MED26: variants seen among roughly 807,000 people sequenced by gnomAD.
MED26 encodes mediator of RNA polymerase II transcription subunit 26.
Under a neutral mutation model 43.7 loss-of-function variants are expected in MED26, and 7 were observed. The observed-to-expected ratio is 0.16, with a 90% CI of 0.09 to 0.30. The LOEUF is 0.30. MED26 is among the 10% of genes least tolerant of loss of function. The pLI, the probability that MED26 is intolerant of heterozygous loss-of-function variation, is 1.00. For missense variants in MED26, 784 were observed against 840.6 expected, an observed-to-expected ratio of 0.93 and a Z score of 0.83; for synonymous variants, 375 against 371.1, an observed-to-expected ratio of 1.01 and a Z score of -0.12.
chr19:16,591,780 C>T (rs564386442), intron 1 of MED26, among the ~76,000 whole-genome samples: 13 of 152,216 alleles, frequency 8.5e-5, no homozygotes, highest in Admixed American at 1.3e-4. Context: ...AAAGTAGCCA[C>T]GGTGCGTCTG....
In MED26 at chr19:16,577,538, C is replaced by G; in HGVS notation, c.292G>C (p.Ala98Pro). Residue 98 changes from alanine to proline, a missense_variant, in exon 3 of 3, where the codon GCG (alanine) becomes CCG (proline). Physicochemically the swap from Ala to Pro is conservative, Grantham distance 27. Around this residue, in one of 3 missense-constraint regions of MED26, gnomAD observed 719 missense variants for 730.9 expected, o/e 0.98. Transcript: ENST00000263390. The surrounding 1 kb of genome is among the most constrained non-coding windows in gnomAD (Gnocchi z 8.1). ...HQHEAALRGLAGATGSANGGA... is the reference protein window; with the variant it reads ...HQHEAALRGLPGATGSANGGA... ...CCGTTGGCAGAGCCGGTGGCCCCCG[C>G]CAGCCCCCGCAGCGCCGCCTCATGC... 3 of 1,606,224 alleles carry G rather than the reference C, an allele frequency of 1.9e-6. No homozygotes were observed. Among genetic ancestry groups the G allele is most frequent in the Non-Finnish European group, 2.6e-6 (3 of 1,175,482 alleles).
intron 1 of MED26, among the ~76,000 whole-genome samples, chr19:16,623,440 A>G (rs968481291): frequency 1.3e-5 from 2 of 152,216 alleles, no homozygotes; most frequent in Admixed American, 1.3e-4. Context: ...TGCAGAATAA[A>G]TGGCATTTTA....
rs1168448995 is a variant in MED26, at chr19:16,597,581, A to G, written c.73-19172T>C. On this transcript the variant is annotated intron_variant, in intron 1 of 2. Coordinates refer to ENST00000263390, the MANE Select transcript of MED26 (RefSeq NM_004831.5). ...AAAATATGAAAGGAGGCACACACCAACACGGTCCTGAGTTCACCCTCTCTC... is the reference window on the plus strand; with the variant it reads ...AAAATATGAAAGGAGGCACACACCAGCACGGTCCTGAGTTCACCCTCTCTC... The G allele has an allele frequency of 1.8e-5, 7 of 396,744 alleles. No individual in the cohort carries two copies. In the East Asian group the frequency reaches 2.1e-4, roughly 12 times the overall value. 24.6% of individuals were successfully genotyped at this position (396,744 alleles called of 1,614,324 possible).
At chr19:16,627,828 G>T (rs1446243556) in intron 1 of MED26, 44 bp downstream of exon 1, 8 of 1,420,226 alleles carry the variant, frequency 5.6e-6, no homozygotes, top group Middle Eastern at 4.1e-4. Flanking sequence ...GGAGGGTCCC[G>T]GGCCCATGCG....
At chr19:16,579,902 C>T (rs2086036051) in intron 1 of MED26, among the ~76,000 whole-genome samples, 1 of 152,202 alleles carries the variant, frequency 6.6e-6, no homozygotes, top group Non-Finnish European at 1.5e-5. Flanking sequence ...GACAGTGGTT[C>T]TTGCCTTTTC....
Position 16,628,164 on chromosome 19 carries a change from G to T in MED26, c.-221C>A, listed in dbSNP as rs2086293321. 1 of 360,606 alleles carries T rather than the reference G, an allele frequency of 2.8e-6. No homozygotes were observed. The highest frequency in any genetic ancestry group is 4.9e-6 in the Non-Finnish European group (1 of 203,768). The allele number at this position is 360,606 out of a possible 1,614,324, so 22.3% of individuals were successfully genotyped here. ...AGGAGGAGGAGGAGCCGCCGGAGCC[G>T]CCGCCGCTCGCTGCCGCCGCCTCGA... is the stretch of plus-strand genomic sequence containing the variant. On this transcript the variant is annotated 5_prime_UTR_variant, in exon 1 of 3. Coordinates refer to ENST00000263390, the MANE Select transcript of MED26 (RefSeq NM_004831.5).
intron 1 of MED26, chr19:16,610,820 C>G (rs1432468478): frequency 2.0e-5 from 3 of 152,226 alleles, no homozygotes; most frequent in African/African-American, 7.2e-5. Context: ...AGCAGTGTGA[C>G]AGCAGGAGGG....
chr19:16,603,263 T>C, intron 1 of MED26, among the ~76,000 whole-genome samples: 1 of 152,168 alleles, frequency 6.6e-6, no homozygotes, highest in East Asian at 1.9e-4. Flanking sequence ...TGGAGCAAGT[T>C]GTATTTCCAA....
In MED26 at chr19:16,578,152, C is replaced by T. The variant is rs138733265; in HGVS notation, c.147+183G>A. ...GGCATGTAGGATGGGAGTAACACCA[C>T]TTGGTCTCTGCAGTGCCCGTGGGAG... On this transcript the variant is annotated intron_variant, in intron 2 of 2. Coordinates refer to ENST00000263390, the MANE Select transcript of MED26 (RefSeq NM_004831.5). 9 of 645,316 alleles carry T rather than the reference C, an allele frequency of 1.4e-5. No homozygotes were observed. The African/African-American group carries it at 1.5e-4, about 11-fold the overall frequency. 40.0% of individuals were successfully genotyped at this position (645,316 alleles called of 1,614,324 possible). A position where few individuals can be genotyped will look rare whatever the true frequency, so the allele number is the denominator to read the frequency against.
chr19:16,576,486 A>G lies in MED26; in HGVS notation c.1344T>C (p.Pro448=). ...TQKEPVRADS[P]VHMEQQSRTE... is the part of the protein sequence containing the mutation. The stretch of plus-strand genomic sequence containing the variant: ...TCCTGGACTGCTGCTCCATGTGCAC[A>G]GGGCTGTCTGCCCGCACTGGCTCTT... The change falls in exon 3 of 3, where the codon CCT becomes CCC. Residue 448 remains proline (P), a synonymous_variant. Coordinates refer to ENST00000263390, the MANE Select transcript of MED26 (RefSeq NM_004831.5). This position sits in a 1 kb window ranked among gnomAD's most constrained non-coding sequence, Gnocchi z 6.8. 1 of 1,614,096 alleles carries G rather than the reference A, an allele frequency of 6.2e-7. No individual in the cohort carries two copies. Among genetic ancestry groups the G allele is most frequent in the Non-Finnish European group, 8.5e-7 (1 of 1,180,026 alleles).
At chr19:16,609,747 A>C (rs1435691801) in intron 1 of MED26, among the ~76,000 whole-genome samples, 1 of 152,048 alleles carries the variant, frequency 6.6e-6, no homozygotes, top group Non-Finnish European at 1.5e-5. Context: ...AAAAGATTAA[A>C]GAATCTGGAT....
At chr19:16,625,113 C>T (rs2122464697) in intron 1 of MED26, among the ~76,000 whole-genome samples, 1 of 152,278 alleles carries the variant, frequency 6.6e-6, no homozygotes, top group Non-Finnish European at 1.5e-5. Flanking sequence ...ATTTTCAACA[C>T]CCTGGGCTGA....
intron 1 of MED26, among the ~76,000 whole-genome samples, chr19:16,579,392 AC>A (rs1294103221): frequency 6.6e-6 from 1 of 152,246 alleles, no homozygotes; most frequent in Non-Finnish European, 1.5e-5. Context: ...GATACATGAT[AC>A]ACGTGCCCCA....
rs747295140 is a variant in MED26, at chr19:16,576,588, G to A, written c.1242C>T (p.Gly414=). 1.5e-5 allele frequency: 24 copies of A among 1,614,018 alleles called. No individual in the cohort carries two copies. The East Asian group carries it at 1.6e-4, about 10-fold the overall frequency. ...VNLDGQVAEA[G]VKPVRLKERK... The stretch of plus-strand genomic sequence containing the variant: ...GCTCTTTTAACCGGACAGGCTTGAC[G>A]CCCGCCTCAGCCACCTGCCCGTCCA... The change falls in exon 3 of 3, where the codon GGC becomes GGT. Residue 414 remains glycine (G), a synonymous_variant. Transcript: ENST00000263390. The surrounding 1 kb of genome is among the most constrained non-coding windows in gnomAD (Gnocchi z 6.8).
At chr19:16,593,025 G>A (rs74632556) in intron 1 of MED26, among the ~76,000 whole-genome samples, 1,963 of 152,316 alleles carry the variant, frequency 0.013, 24 homozygotes, top group Non-Finnish European at 0.02. Context: ...GACTCTGTAG[G>A]TGGGCCAAGC....
intron 1 of MED26, among the ~76,000 whole-genome samples, chr19:16,604,146 C>T (rs2086161989): frequency 6.6e-6 from 1 of 152,242 alleles, no homozygotes; most frequent in African/African-American, 2.4e-5. Flanking sequence ...AAGGAGTGAG[C>T]TAGACCCATG....
intron 1 of MED26, among the ~76,000 whole-genome samples, chr19:16,598,044 T>G (rs1335136256): frequency 6.6e-6 from 1 of 151,258 alleles, no homozygotes; most frequent in Non-Finnish European, 1.5e-5. Context: ...GTTTTCAAAT[T>G]ACCTCCCTGG....
Position 16,576,267 on chromosome 19 carries a change from G to A in MED26, c.1563C>T (p.Thr521=). The change falls in exon 3 of 3, where the codon ACC becomes ACT. Residue 521 remains threonine (T), a synonymous_variant. Coordinates refer to ENST00000263390, the MANE Select transcript of MED26 (RefSeq NM_004831.5). The surrounding 1 kb of genome is among the most constrained non-coding windows in gnomAD (Gnocchi z 6.8). ...MSEYLKQEES[T]RQGARQLHVL... ...CATGCAGCTGCCTGGCCCCTTGCCG[G>A]GTGCTCTCCTCCTGCTTCAGGTACT... 1 of 1,611,348 alleles carries A rather than the reference G, an allele frequency of 6.2e-7. No individual in the cohort carries two copies. Among genetic ancestry groups the A allele is most frequent in the Non-Finnish European group, 8.5e-7 (1 of 1,179,996 alleles).
chr19:16,601,473 C>A (rs552479823), intron 1 of MED26, among the ~76,000 whole-genome samples: 1 of 152,296 alleles, frequency 6.6e-6, no homozygotes, highest in Admixed American at 6.5e-5. Flanking sequence ...GGCTCTTTTA[C>A]CACACTCTCA....
Sources: allele counts gnomAD v4.1 joint callset (sites outside exome capture counted in the v4.1 genomes callset), GRCh38; gene constraint gnomAD v4.1.1; regional missense constraint gnomAD v4.1.1; non-coding constraint Gnocchi (gnomAD v3.1); transcripts MANE v1.5; gene names NCBI Gene and HGNC (gene_info 2026-07-23, HGNC 2026-07-21).